Variants in DLGAP1 observed in about 807,000 individuals in gnomAD.
DLGAP1 encodes the protein disks large-associated protein 1.
A neutral mutation model predicts 90.8 loss-of-function variants in DLGAP1; 11 were observed. The observed-to-expected ratio is 0.12, with a 90% confidence interval of 0.08 to 0.20. The LOEUF (loss-of-function observed/expected upper bound fraction) is 0.20, where lower values mean the gene tolerates loss of function less well. Among genes scored for constraint, DLGAP1 ranks in the 10% least tolerant of loss-of-function variants. The pLI, the probability that DLGAP1 is intolerant of heterozygous loss-of-function variation, is 1.00. For missense variants in DLGAP1, 1,050 were observed against 1,333.8 expected, an observed-to-expected ratio of 0.79 and a Z score of 3.31; for synonymous variants, 558 against 540.7, an observed-to-expected ratio of 1.03 and a Z score of -0.44.
chr18:4,379,285 C>T (rs1287286706), intron 1 of DLGAP1, among the ~76,000 whole-genome samples: 2 of 152,128 alleles, frequency 1.3e-5, no homozygotes, highest in African/African-American at 2.4e-5. Context: ...GGAATAGCTG[C>T]TTTGTTCCCC....
chr18:4,273,689 C>T (rs2079337472), intron 1 of DLGAP1, among the ~76,000 whole-genome samples: 1 of 152,218 alleles, frequency 6.6e-6, no homozygotes, highest in Admixed American at 6.5e-5. Context: ...CCCAATTCAG[C>T]CTCCCAGATA....
intron 2 of DLGAP1, among the ~76,000 whole-genome samples, chr18:4,083,929 GCTTT>G (rs1161222720): frequency 6.6e-6 from 1 of 152,138 alleles, no homozygotes; most frequent in Non-Finnish European, 1.5e-5. Flanking sequence ...AGGACAGAGG[GCTTT>G]CTGTTTCCCG....
At chr18:3,923,133 CAAAA>C (rs34107115) in intron 3 of DLGAP1, among the ~76,000 whole-genome samples, 2 of 71,176 alleles carry the variant, frequency 2.8e-5, no homozygotes, top group African/African-American at 6.3e-5. Flanking sequence ...GAACCTGTCT[CAAAA>C]AAAAAAAAAA....
intron 2 of DLGAP1, among the ~76,000 whole-genome samples, chr18:4,050,971 G>A (rs77333861): frequency 0.015 from 2,274 of 152,204 alleles, 29 homozygotes; most frequent in East Asian, 0.04. Flanking sequence ...ATTATCATCT[G>A]TTGTCATATT....
chr18:3,819,224 C>T (rs540532973), intron 4 of DLGAP1, among the ~76,000 whole-genome samples: 30 of 151,932 alleles, frequency 2.0e-4, no homozygotes, highest in Non-Finnish European at 3.4e-4. Flanking sequence ...GCAGGAGAAT[C>T]GCTTGAACCT....
chr18:4,105,063 GAC>G (rs2075837232), intron 2 of DLGAP1, among the ~76,000 whole-genome samples: 3 of 152,148 alleles, frequency 2.0e-5, no homozygotes, highest in Admixed American at 2.0e-4. Context: ...TGGCTGCCAG[GAC>G]ACAGAGATGA....
chr18:4,159,981 G>A (rs1463686926), intron 1 of DLGAP1, among the ~76,000 whole-genome samples: 1 of 152,128 alleles, frequency 6.6e-6, no homozygotes, highest in Non-Finnish European at 1.5e-5. Flanking sequence ...TCACTTCTTC[G>A]CAAATAAGAT....
At chr18:4,289,430 A>G (rs888266605) in intron 1 of DLGAP1, among the ~76,000 whole-genome samples, 2 of 152,222 alleles carry the variant, frequency 1.3e-5, no homozygotes, top group African/African-American at 4.8e-5. Flanking sequence ...TCAGAAAAAT[A>G]AAACATGATG....
At chr18:3,888,065 G>A (rs951991095) in intron 3 of DLGAP1, among the ~76,000 whole-genome samples, 11 of 130,970 alleles carry the variant, frequency 8.4e-5, no homozygotes, top group Admixed American at 6.5e-4. Flanking sequence ...CCGAGATCGC[G>A]CCACTGCACT....
intron 7 of DLGAP1, among the ~76,000 whole-genome samples, chr18:3,651,214 C>T (rs758964583): frequency 2.8e-4 from 42 of 151,968 alleles, no homozygotes; most frequent in Non-Finnish European, 5.0e-4. Context: ...CAAAAATTAG[C>T]TGGGCATGGT....
chr18:4,099,706 T>C (rs1295620749), intron 2 of DLGAP1, among the ~76,000 whole-genome samples: 2 of 150,528 alleles, frequency 1.3e-5, no homozygotes, highest in African/African-American at 2.4e-5. Context: ...TTTTTACTTT[T>C]TTTTTTTTTT....
chr18:3,717,017 G>A (rs933512541), intron 7 of DLGAP1, among the ~76,000 whole-genome samples: 19 of 147,488 alleles, frequency 1.3e-4, no homozygotes, highest in Admixed American at 1.1e-3. Flanking sequence ...GGCTTGGAGC[G>A]GTGCAAAGAG....
At chr18:3,708,647 C>T (rs2061510826) in intron 7 of DLGAP1, 1 of 404,580 alleles carries the variant, frequency 2.5e-6, no homozygotes, top group African/African-American at 2.1e-5. Context: ...GGGGCACACT[C>T]TACAACAAGA....
At chr18:3,881,837 C>T (rs1421170648) in intron 3 of DLGAP1, among the ~76,000 whole-genome samples, 2 of 152,076 alleles carry the variant, frequency 1.3e-5, no homozygotes, top group Non-Finnish European at 2.9e-5. Context: ...GGCATAAACC[C>T]GGGAGGCGGA....
At chr18:3,705,327 C>T (rs151272693) in intron 7 of DLGAP1, among the ~76,000 whole-genome samples, 5 of 145,966 alleles carry the variant, frequency 3.4e-5, no homozygotes, top group African/African-American at 1.3e-4. Context: ...TTCCAGGAAA[C>T]TTCAGGGGGT....
chr18:4,324,473 T>C (rs1435865064), intron 1 of DLGAP1, among the ~76,000 whole-genome samples: 2 of 151,810 alleles, frequency 1.3e-5, no homozygotes, highest in African/African-American at 4.8e-5. Flanking sequence ...ATTAAAACTA[T>C]TCCAAAAAAT....
intron 2 of DLGAP1, among the ~76,000 whole-genome samples, chr18:4,072,472 A>C (rs913967084): frequency 3.6e-5 from 3 of 84,476 alleles, no homozygotes; most frequent in African/African-American, 1.5e-4. Flanking sequence ...CAACATCATT[A>C]TCTTTTTTTT....
chr18:3,677,063 C>A (rs1356141398), intron 7 of DLGAP1, among the ~76,000 whole-genome samples: 1 of 152,124 alleles, frequency 6.6e-6, no homozygotes, highest in East Asian at 1.9e-4. Context: ...TCTTCTGTAG[C>A]GACTTCAGCC....
intron 7 of DLGAP1, chr18:3,721,862 CTGTT>C (rs2061995248): frequency 4.0e-5 from 6 of 151,708 alleles, no homozygotes; most frequent in African/African-American, 1.4e-4. Flanking sequence ...TTTTTTTTCT[CTGTT>C]TGATTTAAAT....
Sources: allele counts gnomAD v4.1 joint callset (sites outside exome capture counted in the v4.1 genomes callset), GRCh38; gene constraint gnomAD v4.1.1; transcripts MANE v1.5; gene names NCBI Gene and HGNC (gene_info 2026-07-23, HGNC 2026-07-21).